Variants in PPARGC1A observed in about 807,000 individuals in gnomAD.
PPARGC1A encodes peroxisome proliferator-activated receptor gamma coactivator 1-alpha.
A neutral mutation model predicts 88.7 loss-of-function variants in PPARGC1A; 25 were observed. That is an observed-to-expected ratio of 0.28 (90% CI 0.21 to 0.39). The LOEUF is 0.39. Among genes scored for constraint, PPARGC1A ranks in the 10% least tolerant of loss-of-function variants. The pLI is 1.00. For missense variants in PPARGC1A, 880 were observed against 968.7 expected (o/e 0.91, Z 1.22); for synonymous variants, 363 against 355.6 (o/e 1.02, Z -0.24).
At chr4:24,413,847 G>C in the PPARGC1A span, among the ~76,000 whole-genome samples, 19 of 152,334 alleles carry the variant, frequency 1.2e-4, no homozygotes, top group African/African-American at 4.1e-4. Context: ...GCCAGTCACT[G>C]AATGCTTGCG....
At chr4:24,345,883 T>C in the PPARGC1A span, among the ~76,000 whole-genome samples, 3 of 152,216 alleles carry the variant, frequency 2.0e-5, no homozygotes, top group Non-Finnish European at 2.9e-5. Flanking sequence ...TGCTTTCAAC[T>C]TTTCCCCATT....
the PPARGC1A span, among the ~76,000 whole-genome samples, chr4:24,118,530 A>C: frequency 3.8e-3 from 575 of 152,264 alleles, 5 homozygotes; most frequent in African/African-American, 0.013. Context: ...CACCAAAGGC[A>C]AGCCACAGTA....
At chr4:23,842,240 T>C (rs1175078032) in intron 2 of PPARGC1A, among the ~76,000 whole-genome samples, 1 of 152,098 alleles carries the variant, frequency 6.6e-6, no homozygotes, top group Non-Finnish European at 1.5e-5. Context: ...TTGCAAATGA[T>C]TCTCACTATT....
At chr4:24,211,602 T>A in the PPARGC1A span, among the ~76,000 whole-genome samples, 1 of 152,162 alleles carries the variant, frequency 6.6e-6, no homozygotes, top group Non-Finnish European at 1.5e-5. Flanking sequence ...CAGAATCTGA[T>A]ACCATATTGG....
the PPARGC1A span, among the ~76,000 whole-genome samples, chr4:24,447,213 T>C: frequency 1.3e-5 from 2 of 152,130 alleles, no homozygotes; most frequent in Non-Finnish European, 2.9e-5. Context: ...AGAAGATGGC[T>C]CTTCACAAAA....
the PPARGC1A span, among the ~76,000 whole-genome samples, chr4:23,984,009 G>A: frequency 6.6e-6 from 1 of 151,922 alleles, no homozygotes; most frequent in Non-Finnish European, 1.5e-5. Flanking sequence ...ATTCTTTTAT[G>A]TATTTAGTCA....
At chr4:24,303,295 C>T in the PPARGC1A span, among the ~76,000 whole-genome samples, 2 of 152,150 alleles carry the variant, frequency 1.3e-5, no homozygotes, top group Non-Finnish European at 2.9e-5. Flanking sequence ...AGATTATCAA[C>T]ATAGAAAGAT....
At chr4:24,223,078 C>G in the PPARGC1A span, among the ~76,000 whole-genome samples, 1 of 151,968 alleles carries the variant, frequency 6.6e-6, no homozygotes, top group African/African-American at 2.4e-5. Context: ...AACATCATGA[C>G]AGTATGCTTT....
At chr4:24,307,553 C>T in the PPARGC1A span, among the ~76,000 whole-genome samples, 3 of 152,028 alleles carry the variant, frequency 2.0e-5, no homozygotes, top group African/African-American at 7.2e-5. Flanking sequence ...CTTAGCTATC[C>T]CCAAAATAAG....
the PPARGC1A span, among the ~76,000 whole-genome samples, chr4:24,248,282 GC>G: frequency 6.6e-6 from 1 of 151,976 alleles, no homozygotes; most frequent in Non-Finnish European, 1.5e-5. Context: ...CCGCCACCAC[GC>G]CCGGCTAATT....
chr4:24,434,047 T>C, the PPARGC1A span, among the ~76,000 whole-genome samples: 1 of 152,220 alleles, frequency 6.6e-6, no homozygotes, highest in Non-Finnish European at 1.5e-5. Context: ...CATCTCCACG[T>C]TGCCCTGAAT....
the PPARGC1A span, among the ~76,000 whole-genome samples, chr4:24,409,635 T>A: frequency 1.3e-5 from 2 of 152,182 alleles, no homozygotes; most frequent in Non-Finnish European, 2.9e-5. Flanking sequence ...TGTTCTTTTC[T>A]CAATTACATT....
At chr4:23,897,860 T>A (rs1405756010) in intron 1 of PPARGC1A, among the ~76,000 whole-genome samples, 1 of 152,176 alleles carries the variant, frequency 6.6e-6, no homozygotes, top group East Asian at 1.9e-4. Context: ...TTTCATCTTG[T>A]TTATCATTAA....
At chr4:24,016,485 T>C in the PPARGC1A span, among the ~76,000 whole-genome samples, 1 of 152,126 alleles carries the variant, frequency 6.6e-6, no homozygotes, top group Admixed American at 6.5e-5. Context: ...ATGCTAAACA[T>C]AGGCAGTCCA....
chr4:24,443,247 T>C, the PPARGC1A span, among the ~76,000 whole-genome samples: 1 of 101,438 alleles, frequency 9.9e-6, no homozygotes, highest in Non-Finnish European at 1.9e-5. Context: ...GTTTGAAAAA[T>C]GTATGGGTTT....
chr4:24,369,397 C>T, the PPARGC1A span, among the ~76,000 whole-genome samples: 1 of 152,044 alleles, frequency 6.6e-6, no homozygotes, highest in Non-Finnish European at 1.5e-5. Context: ...GGAATGGCAT[C>T]CGAGACATGG....
At chr4:24,251,216 T>C in the PPARGC1A span, among the ~76,000 whole-genome samples, 1 of 152,220 alleles carries the variant, frequency 6.6e-6, no homozygotes, top group Non-Finnish European at 1.5e-5. Context: ...TGTGTTCAAA[T>C]CCTGGCTGTG....
chr4:23,903,697 A>G (rs2946393), upstream of PPARGC1A, among the ~76,000 whole-genome samples: 75,536 of 151,950 alleles, frequency 0.5, 21,005 homozygotes, highest in Non-Finnish European at 0.65. Context: ...TAAAAATTAA[A>G]AAGAATGCAC....
chr4:23,915,532 T>G, the PPARGC1A span, among the ~76,000 whole-genome samples: 1 of 152,248 alleles, frequency 6.6e-6, no homozygotes, highest in African/African-American at 2.4e-5. Flanking sequence ...GTTTTCTAAA[T>G]TCTATCTTTG....
Sources: allele counts gnomAD v4.1 joint callset (sites outside exome capture counted in the v4.1 genomes callset), GRCh38; gene constraint gnomAD v4.1.1; transcripts MANE v1.5; gene names NCBI Gene and HGNC (gene_info 2026-07-23, HGNC 2026-07-21).